Variants in KCNK5 observed in about 807,000 individuals in gnomAD.
KCNK5 encodes potassium channel subfamily K member 5.
KCNK5 carries 18 observed loss-of-function variants against 32.9 expected under a neutral mutation model. The observed-to-expected ratio is 0.55, with a 90% CI of 0.38 to 0.81. The LOEUF (loss-of-function observed/expected upper bound fraction) is 0.81, where lower values mean the gene tolerates loss of function less well. Ranked by LOEUF, KCNK5 falls within the 30% of genes least tolerant of loss-of-function variation. The pLI is 0.00. For missense variants in KCNK5, 507 were observed against 651.0 expected, an observed-to-expected ratio of 0.78 and a Z score of 2.41; for synonymous variants, 276 against 275.3, an observed-to-expected ratio of 1.00 and a Z score of -0.03.
At chr6:39,214,488 G>A (rs1329120027) in intron 1 of KCNK5, among the ~76,000 whole-genome samples, 1 of 152,236 alleles carries the variant, frequency 6.6e-6, no homozygotes, top group East Asian at 1.9e-4. Context: ...GCCCAGCTGA[G>A]GGGCAGAGGA....
At chr6:39,192,250 C>A (rs1385391799) in intron 4 of KCNK5, among the ~76,000 whole-genome samples, 2 of 124,412 alleles carry the variant, frequency 1.6e-5, no homozygotes, top group Non-Finnish European at 3.2e-5. Flanking sequence ...ACCACTGCCA[C>A]TCTAGCCTGG....
In KCNK5 at chr6:39,194,539, C is replaced by T. The variant is rs1200539030; in HGVS notation, c.465+55G>A. The T allele has an allele frequency of 4.4e-6, 7 of 1,591,048 alleles. No homozygotes were observed. The highest frequency in any genetic ancestry group is 5.2e-6 in the Non-Finnish European group (6 of 1,163,616). On this transcript the variant is annotated intron_variant, in intron 3 of 4. Transcript: ENST00000359534. The surrounding 1 kb of genome is among the most constrained non-coding windows in gnomAD (Gnocchi z 4.7). ...AATTCCTAGAGGCCTCCTGTCCTCCCCTCACCTGTCATGGTTCCCCCATCT... is the reference window on the plus strand; with the variant it reads ...AATTCCTAGAGGCCTCCTGTCCTCCTCTCACCTGTCATGGTTCCCCCATCT...
intron 1 of KCNK5, among the ~76,000 whole-genome samples, chr6:39,202,023 C>T (rs1316140957): frequency 1.2e-4 from 18 of 152,074 alleles, no homozygotes; most frequent in Admixed American, 1.2e-3. Flanking sequence ...AACGGCCTAC[C>T]AGGCAATATC....
intron 1 of KCNK5, among the ~76,000 whole-genome samples, chr6:39,215,172 G>C (rs1302551683): frequency 1.3e-5 from 2 of 152,110 alleles, no homozygotes; most frequent in Non-Finnish European, 2.9e-5. Context: ...CTGGAAGATG[G>C]GGGAGGTGAG....
chr6:39,202,137 A>C (rs1244458938), intron 1 of KCNK5, among the ~76,000 whole-genome samples: 1 of 152,232 alleles, frequency 6.6e-6, no homozygotes, highest in African/African-American at 2.4e-5. Flanking sequence ...ACTGCCTAGC[A>C]CACAGTAGCT....
chr6:39,198,410 T>C (rs979540295), intron 1 of KCNK5, among the ~76,000 whole-genome samples: 2 of 152,076 alleles, frequency 1.3e-5, no homozygotes, highest in South Asian at 2.1e-4. Flanking sequence ...GGATGCAAAA[T>C]TGGGGATAAG....
chr6:39,196,020 G>T, intron 1 of KCNK5, 33 bp from the exon 2 acceptor site: 1 of 1,496,312 alleles, frequency 6.7e-7, no homozygotes, highest in Non-Finnish European at 9.2e-7. Flanking sequence ...TCAGAGCTGA[G>T]GCCACACTTA....
At chr6:39,216,673 C>T (rs1214003140) in intron 1 of KCNK5, among the ~76,000 whole-genome samples, 2 of 152,200 alleles carry the variant, frequency 1.3e-5, no homozygotes, top group African/African-American at 4.8e-5. Flanking sequence ...CCCACAGTGC[C>T]TGTCACTTAT....
chr6:39,199,541 T>C (rs1462986364), intron 1 of KCNK5, among the ~76,000 whole-genome samples: 2 of 152,188 alleles, frequency 1.3e-5, no homozygotes, highest in Non-Finnish European at 2.9e-5. Context: ...CAAGCACTAC[T>C]CATTCCTTGC....
intron 1 of KCNK5, among the ~76,000 whole-genome samples, chr6:39,207,096 AGTT>A (rs1339107043): frequency 6.6e-6 from 1 of 152,154 alleles, no homozygotes; most frequent in East Asian, 1.9e-4. Flanking sequence ...CCGGCTCAGC[AGTT>A]CACCCCCCTG....
rs369335585 is a variant in KCNK5, at chr6:39,197,629, A to G, written c.187-1642T>C. 3.2e-4 allele frequency among the ~76,000 whole-genome samples: 49 copies of G among 152,328 alleles called. No homozygotes were observed. The South Asian group carries it at 8.5e-3, about 26-fold the overall frequency. ...TAAAACAAATACTAAGGACCATCCA[A>G]TGGGTTTCTGAAAACATCAAATCTG... On this transcript the variant is annotated intron_variant, in intron 1 of 4. Coordinates refer to ENST00000359534, the MANE Select transcript of KCNK5 (RefSeq NM_003740.4).
Position 39,190,847 on chromosome 6 carries a change from G to A in KCNK5, c.*43C>T. The A allele has an allele frequency of 6.9e-7, 1 of 1,447,276 alleles. No homozygotes were observed. Among genetic ancestry groups the A allele is most frequent in the Non-Finnish European group, 9.1e-7 (1 of 1,098,002 alleles). 89.7% of individuals were successfully genotyped at this position (1,447,276 alleles called of 1,614,324 possible). The stretch of plus-strand genomic sequence containing the variant: ...CATCTCGGGACACCCTAGGGTGAGG[G>A]GGGAAGAGGCCATCAAAGGTGGGGT... On this transcript the variant is annotated 3_prime_UTR_variant, in exon 5 of 5. Coordinates refer to ENST00000359534, the MANE Select transcript of KCNK5 (RefSeq NM_003740.4).
chr6:39,209,694 T>C (rs1011463742), intron 1 of KCNK5, among the ~76,000 whole-genome samples: 3 of 152,110 alleles, frequency 2.0e-5, no homozygotes, highest in African/African-American at 7.2e-5. Context: ...ACATCCTTTC[T>C]CTCCTCCACA....
rs1770919321 is a variant in KCNK5, at chr6:39,191,134, C to T, written c.1256G>A (p.Ser419Asn). Residue 419 changes from serine to asparagine, a missense_variant, in exon 5 of 5, where the codon AGC becomes AAC. Physicochemically the swap from Ser to Asn is conservative, Grantham distance 46 (BLOSUM62 1). Coordinates refer to ENST00000359534, the MANE Select transcript of KCNK5 (RefSeq NM_003740.4). The surrounding 1 kb of genome is among the most constrained non-coding windows in gnomAD (Gnocchi z 5.8). ...AGCCTCCGTGTTCACGAAGGTGATGCTGGCGTCCTGGAAGATGAGTGGGTG... is the reference window on the plus strand; with the variant it reads ...AGCCTCCGTGTTCACGAAGGTGATGTTGGCGTCCTGGAAGATGAGTGGGTG... ...DYHPLIFQDA[S>N]ITFVNTEAGL... 1.2e-6 allele frequency: 2 copies of T among 1,614,246 alleles called. No individual in the cohort carries two copies. The highest frequency in any genetic ancestry group is 8.5e-7 in the Non-Finnish European group (1 of 1,180,040).
rs1186569272 is a variant in KCNK5 at position 39,229,431 on chromosome 6, C to CCGCTTCTCCACGCGT, written c.-335_-321dup. On this transcript the variant is annotated 5_prime_UTR_variant, in exon 1 of 5. Transcript: ENST00000359534. ...ACTTGACTCTGGGCAGACACGTGGG[C>CCGCTTCTCCACGCGT]CGCTTCTCCACGCGTCGCTCCTCCG... is the stretch of plus-strand genomic sequence containing the variant. 6.5e-6 allele frequency: 2 copies of CCGCTTCTCCACGCGT among 309,710 alleles called. No individual in the cohort carries two copies. The highest frequency in any genetic ancestry group is 4.6e-5 in the South Asian group (1 of 21,772). 19.2% of individuals were successfully genotyped at this position (309,710 alleles called of 1,614,324 possible). A position where few individuals can be genotyped will look rare whatever the true frequency, so the allele number is the denominator to read the frequency against.
chr6:39,219,544 T>A (rs1171793525), intron 1 of KCNK5, among the ~76,000 whole-genome samples: 3 of 152,060 alleles, frequency 2.0e-5, no homozygotes, highest in African/African-American at 4.8e-5. Context: ...TTTCAAAAAA[T>A]AATAATAATA....
chr6:39,229,210 G>A lies in KCNK5; in HGVS notation c.-99C>T. The A allele has an allele frequency of 2.4e-6, 3 of 1,263,542 alleles. No individual in the cohort carries two copies. Among genetic ancestry groups the A allele is most frequent in the Non-Finnish European group, 2.2e-6 (2 of 908,428 alleles). 78.3% of individuals were successfully genotyped at this position (1,263,542 alleles called of 1,614,324 possible). On this transcript the variant is annotated 5_prime_UTR_variant, in exon 1 of 5. Transcript: ENST00000359534. ...CTCTGAAAACAGCTGTTTGAATTTG[G>A]AGCTCCGCATGCGCAGTGCCCGGTA...
At chr6:39,201,512 A>G (rs972061318) in intron 1 of KCNK5, among the ~76,000 whole-genome samples, 11 of 152,120 alleles carry the variant, frequency 7.2e-5, no homozygotes, top group Non-Finnish European at 1.3e-4. Flanking sequence ...CGGGCTCCCA[A>G]AGTGCTGGGA....
chr6:39,192,182 C>G lies in KCNK5; in HGVS notation c.635-427G>C, dbSNP rs374694682. On this transcript the variant is annotated intron_variant, in intron 4 of 4. Coordinates refer to ENST00000359534, the MANE Select transcript of KCNK5 (RefSeq NM_003740.4). Reference sequence around the variant, plus strand: ...GGTGGCGGGCCAGCTACTCAGGAGGCTGAAGCAGGAGAACTGCTTGAACCC... The same window carrying G: ...GGTGGCGGGCCAGCTACTCAGGAGGGTGAAGCAGGAGAACTGCTTGAACCC... 2.6e-3 allele frequency among the ~76,000 whole-genome samples: 368 copies of G among 143,914 alleles called. 1 individual carries two copies. The Middle Eastern group carries it at 0.028, about 11-fold the overall frequency. The allele number at this position is 143,914 out of a possible 152,430, so 94.4% of individuals were successfully genotyped here.
Sources: gnomAD v4.1 joint callset for allele counts (sites outside exome capture counted in the v4.1 genomes callset) on GRCh38, gnomAD v4.1.1 for gene constraint, Gnocchi (gnomAD v3.1) non-coding constraint, MANE v1.5 for transcripts, NCBI Gene and HGNC (gene_info 2026-07-23, HGNC 2026-07-21) for gene names.